Variants in PCDHGB4 observed in about 807,000 individuals in gnomAD.
PCDHGB4 encodes protocadherin gamma subfamily B, 4.
PCDHGB4 carries 38 observed loss-of-function variants against 60.5 expected under a neutral mutation model. That is an observed-to-expected ratio of 0.63 (90% CI 0.48 to 0.82). The LOEUF is 0.82. PCDHGB4 is among the 40% of genes least tolerant of loss of function. The pLI, the probability that PCDHGB4 is intolerant of heterozygous loss-of-function variation, is 0.00. For synonymous variants in PCDHGB4, 456 were observed against 509.7 expected (o/e 0.89, Z 1.42); for missense variants, 1,109 against 1,209.6 (o/e 0.92, Z 1.23).
At chr5:141,434,136 TC>T (rs2097674430) in intron 1 of PCDHGB4, among the ~76,000 whole-genome samples, 1 of 152,246 alleles carries the variant, frequency 6.6e-6, no homozygotes, top group Non-Finnish European at 1.5e-5. Context: ...TAGGCTGATT[TC>T]TATGTCCTTT....
chr5:141,482,546 A>G (rs1489817593), intron 1 of PCDHGB4, among the ~76,000 whole-genome samples: 1 of 151,868 alleles, frequency 6.6e-6, no homozygotes, highest in Non-Finnish European at 1.5e-5. Context: ...AAAAAAAAAA[A>G]AAAGATAATG....
intron 1 of PCDHGB4, chr5:141,478,843 C>G: frequency 7.2e-7 from 1 of 1,398,442 alleles, no homozygotes; most frequent in South Asian, 1.5e-5. Flanking sequence ...GATGGTTAAG[C>G]TAAAACACAA....
chr5:141,499,233 C>A (rs1047984757), intron 2 of PCDHGB4, among the ~76,000 whole-genome samples: 2 of 152,116 alleles, frequency 1.3e-5, no homozygotes, highest in Non-Finnish European at 2.9e-5. Context: ...CAGCTGTCCC[C>A]AGCCTCTGCA....
At chr5:141,427,396 A>G (rs1303085720) in intron 1 of PCDHGB4, 1 of 460,578 alleles carries the variant, frequency 2.2e-6, no homozygotes, top group Non-Finnish European at 4.4e-6. Context: ...AAAACACATG[A>G]TAAAGATTCG....
chr5:141,477,890 C>A lies in PCDHGB4; in HGVS notation c.2398-16917C>A, dbSNP rs202114426. On this transcript the variant is annotated intron_variant, in intron 1 of 3. Transcript: ENST00000519479. This position sits in a 1 kb window ranked among gnomAD's most constrained non-coding sequence, Gnocchi z 4.9. ...TACCTCAGCTGGCCACCTAGTGTCA[C>A]GGGTGGTAGGCTGGGACGCGGATGC... is the stretch of plus-strand genomic sequence containing the variant. 3.1e-6 allele frequency: 5 copies of A among 1,614,204 alleles called. 1 individual carries two copies. In the Admixed American group the frequency reaches 8.3e-5, roughly 27 times the overall value.
At position 141,486,427 on chromosome 5, in the gene PCDHGB4, A is replaced by T. The variant is rs775958317; in HGVS notation, c.2398-8380A>T. ...CTGGACCCTTGGATCGAGAGGCCAAATCTAGCTATGACATCATGGTCACTG... is the reference window on the plus strand; with the variant it reads ...CTGGACCCTTGGATCGAGAGGCCAATTCTAGCTATGACATCATGGTCACTG... On this transcript the variant is annotated intron_variant, in intron 1 of 3. Transcript: ENST00000519479. The surrounding 1 kb of genome is among the most constrained non-coding windows in gnomAD (Gnocchi z 5.0). 17 of 1,614,042 alleles carry T rather than the reference A, an allele frequency of 1.1e-5. No homozygotes were observed. The Admixed American group carries it at 2.8e-4, about 27-fold the overall frequency.
chr5:141,417,682 AAAAG>A (rs2096147308), intron 1 of PCDHGB4: 2 of 1,035,494 alleles, frequency 1.9e-6, no homozygotes, highest in Non-Finnish European at 2.7e-6. Context: ...CCAACAACAG[AAAAG>A]AAAACCAGCT....
At chr5:141,418,851 G>A (rs778281594) in intron 1 of PCDHGB4, 9 of 1,613,906 alleles carry the variant, frequency 5.6e-6, no homozygotes, top group South Asian at 2.2e-5. Context: ...TCAACACGGT[G>A]TAAAGTAATT....
intron 1 of PCDHGB4, chr5:141,429,216 T>A (rs1590916921): frequency 6.8e-6 from 1 of 146,786 alleles, no homozygotes; most frequent in Admixed American, 6.7e-5. Context: ...GTGTGAAAAG[T>A]GGGTATTATG....
intron 1 of PCDHGB4, among the ~76,000 whole-genome samples, chr5:141,481,426 A>G (rs1431602618): frequency 6.6e-6 from 1 of 152,238 alleles, no homozygotes; most frequent in Non-Finnish European, 1.5e-5. Flanking sequence ...TGTGATGATG[A>G]TTGTATCAGT....
intron 1 of PCDHGB4, chr5:141,398,053 A>C: frequency 2.0e-6 from 3 of 1,516,468 alleles, no homozygotes; most frequent in Non-Finnish European, 2.7e-6. Flanking sequence ...TCGGAGATCC[A>C]AAAATCTACA....
chr5:141,433,208 C>CTTT, intron 1 of PCDHGB4: 2 of 1,293,022 alleles, frequency 1.5e-6, no homozygotes, highest in Non-Finnish European at 2.1e-6. Context: ...AATCTTCTTT[C>CTTT]TTTTTTTTTT....
chr5:141,499,253 T>C (rs1189676230), intron 2 of PCDHGB4, among the ~76,000 whole-genome samples: 1 of 152,030 alleles, frequency 6.6e-6, no homozygotes, highest in Non-Finnish European at 1.5e-5. Context: ...ACAAAGAGTC[T>C]CCATTTGGTC....
rs765969768 is a variant in PCDHGB4, at chr5:141,421,456, G to A, written c.2397+31175G>A. ...CTCCAGAGGGAAGACACAGCTTTTC[G>A]CTGTGAATCCGCGAAGCGGCAGCTT... is the stretch of plus-strand genomic sequence containing the variant. On this transcript the variant is annotated intron_variant, in intron 1 of 3. Transcript: ENST00000519479. 9.3e-6 allele frequency: 15 copies of A among 1,614,132 alleles called. No homozygotes were observed. Among genetic ancestry groups the A allele is most frequent in the Non-Finnish European group, 1.1e-5 (13 of 1,179,948 alleles).
At chr5:141,426,048 A>G (rs2096911760) in intron 1 of PCDHGB4, among the ~76,000 whole-genome samples, 1 of 152,182 alleles carries the variant, frequency 6.6e-6, no homozygotes, top group Non-Finnish European at 1.5e-5. Context: ...CTGTTGGCCA[A>G]TGTGCTGCAA....
In PCDHGB4 at chr5:141,486,001, C is replaced by T. The variant is rs771993915; in HGVS notation, c.2398-8806C>T. ...ACCCGGACCTGGGTCCCAGTGGTAA[C>T]GTCACCTTTTATTTCAGTGGTCATA... On this transcript the variant is annotated intron_variant, in intron 1 of 3. Coordinates refer to ENST00000519479, the MANE Select transcript of PCDHGB4 (RefSeq NM_003736.4). This position sits in a 1 kb window ranked among gnomAD's most constrained non-coding sequence, Gnocchi z 5.0. The T allele has an allele frequency of 2.5e-6, 4 of 1,614,076 alleles. No homozygotes were observed. The highest frequency in any genetic ancestry group is 8.5e-7 in the Non-Finnish European group (1 of 1,180,032).
At chr5:141,445,109 T>C (rs571834974) in intron 1 of PCDHGB4, among the ~76,000 whole-genome samples, 23 of 152,246 alleles carry the variant, frequency 1.5e-4, no homozygotes, top group Non-Finnish European at 2.8e-4. Flanking sequence ...TCTAATGTTA[T>C]TGTAAATAGT....
In PCDHGB4 at chr5:141,432,866, G is replaced by A; in HGVS notation, c.2397+42585G>A. The A allele has an allele frequency of 6.2e-7, 1 of 1,614,152 alleles. No individual in the cohort carries two copies. The highest frequency in any genetic ancestry group is 8.5e-7 in the Non-Finnish European group (1 of 1,180,008). On this transcript the variant is annotated intron_variant, in intron 1 of 3. Transcript: ENST00000519479. This position sits in a 1 kb window ranked among gnomAD's most constrained non-coding sequence, Gnocchi z 6.0. ...GGTAGCGGTGGCCGCGGTCTCCTGC[G>A]TCTTCCTGGCCTTCGTCATCTTGCT...
At chr5:141,415,859 T>C in intron 1 of PCDHGB4, 1 of 1,187,664 alleles carries the variant, frequency 8.4e-7, no homozygotes, top group Non-Finnish European at 1.1e-6. Context: ...CCTTGTAGTT[T>C]ATAGTGTTGT....
Sources: gnomAD v4.1 joint callset for allele counts (sites outside exome capture counted in the v4.1 genomes callset) on GRCh38, gnomAD v4.1.1 for gene constraint, Gnocchi (gnomAD v3.1) non-coding constraint, MANE v1.5 for transcripts, NCBI Gene and HGNC (gene_info 2026-07-23, HGNC 2026-07-21) for gene names.